RAD51B: variants seen among roughly 807,000 people sequenced by gnomAD.
RAD51B encodes the protein DNA repair protein RAD51 homolog 2.
In RAD51B, 38 loss-of-function variants were observed where a neutral mutation model predicts 42.2. That is an observed-to-expected ratio of 0.90 (90% confidence interval 0.70 to 1.18). The LOEUF (loss-of-function observed/expected upper bound fraction) is 1.18. Among genes scored for constraint, RAD51B ranks in the 50% most tolerant of loss-of-function variants. The pLI, the probability that RAD51B is intolerant of heterozygous loss-of-function variation, is 0.00. For missense variants in RAD51B, 373 were observed against 400.7 expected (o/e 0.93, Z 0.59); for synonymous variants, 154 against 145.2 (o/e 1.06, Z -0.43).
At chr14:67,849,916 T>C (rs942693062) in intron 4 of RAD51B, among the ~76,000 whole-genome samples, 1 of 152,210 alleles carries the variant, frequency 6.6e-6, no homozygotes, top group African/African-American at 2.4e-5. Context: ...GCTACTGTGA[T>C]TCTTTGGTGG....
chr14:67,851,330 T>C (rs1210975559), intron 4 of RAD51B, among the ~76,000 whole-genome samples: 1 of 151,758 alleles, frequency 6.6e-6, no homozygotes, highest in South Asian at 2.1e-4. Context: ...GATATCTGGG[T>C]GAGGGGCTAA....
At chr14:68,272,008 A>G (rs963156487) in intron 7 of RAD51B, among the ~76,000 whole-genome samples, 1 of 152,218 alleles carries the variant, frequency 6.6e-6, no homozygotes, top group Non-Finnish European at 1.5e-5. Flanking sequence ...TCGAAAATGA[A>G]ACAGCAAGCA....
downstream of RAD51B, among the ~76,000 whole-genome samples, chr14:68,597,332 A>G (rs1056965922): frequency 1.3e-5 from 2 of 152,164 alleles, no homozygotes; most frequent in African/African-American, 4.8e-5. Context: ...TTGTTAGGGG[A>G]CATTGAGGAT....
intron 10 of RAD51B, among the ~76,000 whole-genome samples, chr14:68,588,166 G>A (rs1308517502): frequency 6.6e-6 from 1 of 152,188 alleles, no homozygotes; most frequent in Non-Finnish European, 1.5e-5. Flanking sequence ...TCACTCAGTA[G>A]TATGTGACTT....
chr14:68,144,678 A>G (rs566431144), intron 7 of RAD51B, among the ~76,000 whole-genome samples: 2 of 152,174 alleles, frequency 1.3e-5, no homozygotes, highest in South Asian at 2.1e-4. Context: ...AAGGAACTCC[A>G]TATCCTCTTC....
intron 10 of RAD51B, among the ~76,000 whole-genome samples, chr14:68,501,157 C>A (rs1042680453): frequency 6.6e-6 from 1 of 152,190 alleles, no homozygotes; most frequent in Non-Finnish European, 1.5e-5. Context: ...AATCCACAGG[C>A]CTGCAGATTT....
At chr14:68,320,109 T>C (rs546923580) in intron 8 of RAD51B, among the ~76,000 whole-genome samples, 5 of 152,268 alleles carry the variant, frequency 3.3e-5, no homozygotes, top group Admixed American at 2.0e-4. Context: ...TTCCTCTCCC[T>C]CCCCAAGCCC....
intron 10 of RAD51B, among the ~76,000 whole-genome samples, chr14:68,618,630 C>T (rs972525218): frequency 9.9e-5 from 15 of 152,176 alleles, no homozygotes; most frequent in African/African-American, 3.1e-4. Flanking sequence ...CTAACTGATA[C>T]TACAGGGTTG....
intron 11 of RAD51B, among the ~76,000 whole-genome samples, chr14:68,665,560 A>G (rs928287091): frequency 7.9e-5 from 12 of 152,230 alleles, no homozygotes; most frequent in African/African-American, 2.7e-4. Context: ...AGCTGGTGTC[A>G]GGAGAAGAAC....
intron 7 of RAD51B, among the ~76,000 whole-genome samples, chr14:68,166,444 G>A (rs2078754390): frequency 6.6e-6 from 1 of 151,498 alleles, no homozygotes; most frequent in Non-Finnish European, 1.5e-5. Context: ...CTTTTAATTA[G>A]ACCCAGAGTA....
chr14:68,646,286 CA>C (rs1241226546), intron 10 of RAD51B, among the ~76,000 whole-genome samples: 7 of 152,100 alleles, frequency 4.6e-5, no homozygotes, highest in African/African-American at 1.7e-4. Context: ...TAAGAATAAA[CA>C]AAAGTTTGCT....
intron 7 of RAD51B, among the ~76,000 whole-genome samples, chr14:68,211,692 C>T (rs549203696): frequency 3.3e-5 from 5 of 152,290 alleles, no homozygotes; most frequent in Admixed American, 2.6e-4. Context: ...GTCATTGTCT[C>T]TAGGCCAAAG....
At chr14:68,358,797 C>T (rs1203452080) in intron 8 of RAD51B, among the ~76,000 whole-genome samples, 1 of 151,862 alleles carries the variant, frequency 6.6e-6, no homozygotes, top group Non-Finnish European at 1.5e-5. Context: ...CTATATCACA[C>T]AATGTGTGAT....
chr14:68,577,845 A>G (rs1457060320), intron 10 of RAD51B, among the ~76,000 whole-genome samples: 2 of 152,196 alleles, frequency 1.3e-5, no homozygotes, highest in East Asian at 1.9e-4. Context: ...TACATGCTCA[A>G]TAAGTACTTA....
intron 8 of RAD51B, among the ~76,000 whole-genome samples, chr14:68,369,885 T>A (rs2083218103): frequency 6.6e-6 from 1 of 152,200 alleles, no homozygotes. Flanking sequence ...TATTTTGTGC[T>A]GCAAAAACAA....
chr14:68,598,598 G>A (rs1481556052), downstream of RAD51B, among the ~76,000 whole-genome samples: 2 of 152,202 alleles, frequency 1.3e-5, no homozygotes, highest in East Asian at 1.9e-4. Flanking sequence ...ACTGTGTTGA[G>A]ACCCAAATTC....
chr14:68,482,399 A>G (rs1594898005), downstream of RAD51B, among the ~76,000 whole-genome samples: 3 of 152,318 alleles, frequency 2.0e-5, no homozygotes, highest in Admixed American at 6.5e-5. Context: ...GAACAAAGCA[A>G]AATGACTGCT....
At chr14:68,165,135 A>G (rs1468149491) in intron 7 of RAD51B, among the ~76,000 whole-genome samples, 3 of 152,326 alleles carry the variant, frequency 2.0e-5, no homozygotes, top group Admixed American at 2.0e-4. Context: ...ATTTTCAATA[A>G]TCTTTATGGA....
At chr14:67,897,807 G>A (rs533237377) in intron 7 of RAD51B, among the ~76,000 whole-genome samples, 109 of 152,102 alleles carry the variant, frequency 7.2e-4, no homozygotes, top group African/African-American at 2.3e-3. Context: ...GTGCCACCAC[G>A]CCCAGCTAAT....
Sources: allele counts gnomAD v4.1 joint callset (sites outside exome capture counted in the v4.1 genomes callset), GRCh38; gene constraint gnomAD v4.1.1; transcripts MANE v1.5; gene names NCBI Gene and HGNC (gene_info 2026-07-23, HGNC 2026-07-21).